The following POGLUT1 variants were observed in gnomAD, a reference collection of about 807,000 sequenced individuals.
POGLUT1 encodes protein O-glucosyltransferase 1, also known as 9630046K23Rik.
In POGLUT1, 32 loss-of-function variants were observed where a neutral mutation model predicts 61.3. The ratio of observed to expected loss-of-function variants is 0.52; its 90% CI spans 0.39 to 0.70. The LOEUF (loss-of-function observed/expected upper bound fraction) is 0.70. Ranked by LOEUF, POGLUT1 falls within the 30% of genes least tolerant of loss-of-function variation. POGLUT1 has a pLI of 0.00. For synonymous variants in POGLUT1, 158 were observed against 158.2 expected, an observed-to-expected ratio of 1.00 and a Z score of 0.01; for missense variants, 411 against 469.8, an observed-to-expected ratio of 0.87 and a Z score of 1.16.
chr3:119,471,470 A>G lies in POGLUT1; in HGVS notation c.320+18A>G, dbSNP rs2081473570. ...CCCTCAAGGTAAGAGTTAACGAGGT[A>G]GATATATCTTCTGACTTTATTACAT... On this transcript the variant is annotated intron_variant, in intron 3 of 10. Coordinates refer to ENST00000295588, the MANE Select transcript of POGLUT1 (RefSeq NM_152305.3). 1 of 1,610,662 alleles carries G rather than the reference A, an allele frequency of 6.2e-7. No homozygotes were observed. The highest frequency in any genetic ancestry group is 8.5e-7 in the Non-Finnish European group (1 of 1,176,974).
chr3:119,481,858 T>C (rs954997393), intron 5 of POGLUT1, among the ~76,000 whole-genome samples: 1 of 152,184 alleles, frequency 6.6e-6, no homozygotes, highest in African/African-American at 2.4e-5. Flanking sequence ...GACTGTCATT[T>C]CTTGTTTATT....
intron 4 of POGLUT1, among the ~76,000 whole-genome samples, chr3:119,478,921 T>G (rs1331705729): frequency 2.7e-5 from 4 of 150,344 alleles, no homozygotes; most frequent in Admixed American, 6.6e-5. Flanking sequence ...AACATATGGC[T>G]TTAAACTTTT....
intron 5 of POGLUT1, among the ~76,000 whole-genome samples, chr3:119,481,235 A>G (rs2081602972): frequency 6.6e-6 from 1 of 152,184 alleles, no homozygotes; most frequent in Non-Finnish European, 1.5e-5. Flanking sequence ...CTCAAGTACA[A>G]GCTTATTCCA....
At position 119,480,158 on chromosome 3, in the gene POGLUT1, A is replaced by G; in HGVS notation, c.564A>G (p.Arg188=). Residue 188 remains arginine, a synonymous_variant, in exon 5 of 11, where the codon AGA becomes AGG. Coordinates refer to ENST00000295588, the MANE Select transcript of POGLUT1 (RefSeq NM_152305.3). ...GTCTTGGACGGTGGGACCTCTTCAG[A>G]GAAGATCTGGTAAGGTAGGTCCTTT... ...PTGLGRWDLF[R]EDLVRSAAQW... 1 of 1,588,458 alleles carries G rather than the reference A, an allele frequency of 6.3e-7. No individual in the cohort carries two copies. Among genetic ancestry groups the G allele is most frequent in the East Asian group, 2.2e-5 (1 of 44,526 alleles).
intron 3 of POGLUT1, chr3:119,471,820 GT>G: frequency 3.4e-6 from 1 of 292,568 alleles, no homozygotes; most frequent in East Asian, 1.1e-4. Context: ...GGCCAGTGTA[GT>G]TCTAGATACT....
chr3:119,469,189 C>T (rs1047416012), intron 1 of POGLUT1, 83 bp downstream of exon 1: 7 of 1,121,386 alleles, frequency 6.2e-6, no homozygotes, highest in East Asian at 2.6e-5. Context: ...GCGGCCGGCT[C>T]CCGGGAAGAT....
chr3:119,490,318 C>T (rs1388466061), intron 8 of POGLUT1: 2 of 523,364 alleles, frequency 3.8e-6, no homozygotes, highest in Non-Finnish European at 6.9e-6. Flanking sequence ...GAGAAAATAT[C>T]CCCTATTTTT....
chr3:119,489,491 G>C (rs1159798904), intron 8 of POGLUT1: 4 of 153,604 alleles, frequency 2.6e-5, no homozygotes, highest in Non-Finnish European at 5.8e-5. Flanking sequence ...CAGGTCTAGA[G>C]GAGGGCAGTG....
chr3:119,489,849 T>C (rs983345291), intron 8 of POGLUT1: 1 of 152,390 alleles, frequency 6.6e-6, no homozygotes, highest in Non-Finnish European at 1.5e-5. Context: ...ACAAACTGTA[T>C]TGTGAACTGT....
In POGLUT1 at chr3:119,484,286, G is replaced by A. The variant is rs541297902; in HGVS notation, c.579-1042G>A. 2.0e-5 allele frequency among the ~76,000 whole-genome samples: 3 copies of A among 152,290 alleles called. No individual in the cohort carries two copies. In the East Asian group the frequency reaches 5.8e-4, roughly 29 times the overall value. ...TCTGAAAAGGACCTGTGCCTAGAAA[G>A]TTTATATCCTAAGTTTCTCCGTTAC... On this transcript the variant is annotated intron_variant, in intron 5 of 10. Coordinates refer to ENST00000295588, the MANE Select transcript of POGLUT1 (RefSeq NM_152305.3).
Position 119,492,478 on chromosome 3 carries a change from T to A in POGLUT1, c.*40T>A. The A allele has an allele frequency of 7.2e-7, 1 of 1,385,970 alleles. No homozygotes were observed. The allele number at this position is 1,385,970 out of a possible 1,614,324, so 85.9% of individuals were successfully genotyped here. On this transcript the variant is annotated 3_prime_UTR_variant, in exon 11 of 11. Coordinates refer to ENST00000295588, the MANE Select transcript of POGLUT1 (RefSeq NM_152305.3). ...CCATAGTCCTCTTTGTGGCAACAGA[T>A]CTCAGATATCCTACGGTGAGAAGCT...
intron 7 of POGLUT1, 68 bp from the exon 8 acceptor site, chr3:119,488,861 G>C (rs745407893): frequency 4.2e-5 from 34 of 812,040 alleles, no homozygotes; most frequent in Non-Finnish European, 6.8e-5. Context: ...GTTTAACAAT[G>C]CTTGCTGCAC....
intron 2 of POGLUT1, among the ~76,000 whole-genome samples, chr3:119,471,011 A>G (rs1445883144): frequency 6.6e-6 from 1 of 152,236 alleles, no homozygotes; most frequent in Non-Finnish European, 1.5e-5. Context: ...AGTGACTAGA[A>G]GGACACAGGT....
intron 3 of POGLUT1, among the ~76,000 whole-genome samples, chr3:119,472,147 G>T (rs1238398076): frequency 6.6e-6 from 1 of 151,930 alleles, no homozygotes; most frequent in Non-Finnish European, 1.5e-5. Context: ...GAGGGTGGAG[G>T]TTGGGTTTAG....
At chr3:119,488,228 G>A (rs1035865269) in intron 7 of POGLUT1, 2 of 152,166 alleles carry the variant, frequency 1.3e-5, no homozygotes, top group Non-Finnish European at 2.9e-5. Flanking sequence ...CATCTACTGT[G>A]GGAGGCTGCA....
Position 119,492,430 on chromosome 3 carries a change from G to T in POGLUT1, c.1171G>T (p.Glu391Ter). The T allele has an allele frequency of 6.3e-7, 1 of 1,598,108 alleles. No individual in the cohort carries two copies. The highest frequency in any genetic ancestry group is 1.1e-5 in the South Asian group (1 of 89,452). ...DQIIPKMLKT[E>*]L Reference sequence around the variant, plus strand: ...AATTATTCCCAAAATGTTGAAAACTGAACTATAGTAGTCATCATAGGACCA... The same window carrying T: ...AATTATTCCCAAAATGTTGAAAACTTAACTATAGTAGTCATCATAGGACCA... Residue 391 changes from glutamate to a stop codon, truncating the protein, a stop_gained, in exon 11 of 11, where the codon GAA becomes TAA. Coordinates refer to ENST00000295588, the MANE Select transcript of POGLUT1 (RefSeq NM_152305.3). LOFTEE classifies it high-confidence loss of function.
At position 119,494,509 on chromosome 3, in the gene POGLUT1, T is replaced by A. The variant is rs978218839; in HGVS notation, c.*2071T>A. Reference sequence around the variant, plus strand: ...GTCTATCTGTTTACCTCAGTGTAGATGATATGAGGATGGTATAACTATGTA... The same window carrying A: ...GTCTATCTGTTTACCTCAGTGTAGAAGATATGAGGATGGTATAACTATGTA... On this transcript the variant is annotated 3_prime_UTR_variant, in exon 11 of 11. Transcript: ENST00000295588. 1.3e-5 allele frequency: 2 copies of A among 152,620 alleles called. No homozygotes were observed. Among genetic ancestry groups the A allele is most frequent in the African/African-American group, 4.8e-5 (2 of 41,430 alleles). The allele number at this position is 152,620 out of a possible 1,614,324, so 9.5% of individuals were successfully genotyped here. A position where few individuals can be genotyped will look rare whatever the true frequency, so the allele number is the denominator to read the frequency against.
chr3:119,490,276 A>C, intron 8 of POGLUT1: 1 of 412,808 alleles, frequency 2.4e-6, no homozygotes, highest in East Asian at 4.3e-5. Context: ...TCTACCCGGC[A>C]CCCAGCTCCT....
rs139038440 is a variant in POGLUT1 at position 119,492,071 on chromosome 3, A to C, written c.1023-211A>C. The stretch of plus-strand genomic sequence containing the variant: ...CTCCGTCTCAAAAAATAAATAAATA[A>C]ATAAATAAATAAAGGAAAAAGATTG... On this transcript the variant is annotated intron_variant, in intron 10 of 10. Coordinates refer to ENST00000295588, the MANE Select transcript of POGLUT1 (RefSeq NM_152305.3). Among the ~76,000 whole-genome samples, 1,934 of 152,112 alleles carry C rather than the reference A, an allele frequency of 0.013. 37 individuals are homozygous for C. Among genetic ancestry groups the C allele is most frequent in the African/African-American group, 0.044 (1,826 of 41,492 alleles).
Sources: gnomAD v4.1 joint callset for allele counts (sites outside exome capture counted in the v4.1 genomes callset) on GRCh38, gnomAD v4.1.1 for gene constraint, MANE v1.5 for transcripts, NCBI Gene and HGNC (gene_info 2026-07-23, HGNC 2026-07-21) for gene names.